SHANK2: variants seen among roughly 807,000 people sequenced by gnomAD.
The protein encoded by SHANK2 is SH3 and multiple ankyrin repeat domains protein 2.
In SHANK2, 43 loss-of-function variants were observed where a neutral mutation model predicts 133.7. The observed-to-expected ratio is 0.32, with a 90% CI of 0.25 to 0.41. The LOEUF (loss-of-function observed/expected upper bound fraction) is 0.41. Ranked by LOEUF, SHANK2 falls within the 10% of genes least tolerant of loss-of-function variation. SHANK2 has a pLI of 1.00. For synonymous variants in SHANK2, 1,017 were observed against 952.8 expected (o/e 1.07, Z -1.24); for missense variants, 1,994 against 2,235.8 (o/e 0.89, Z 2.18).
At chr11:70,537,955 A>G (rs939979680) in intron 17 of SHANK2, among the ~76,000 whole-genome samples, 2 of 152,180 alleles carry the variant, frequency 1.3e-5, no homozygotes, top group African/African-American at 2.4e-5. Context: ...AGCTGGATTT[A>G]CATTGAGAGG....
chr11:71,181,441 C>A (rs2135546599), intron 2 of SHANK2, among the ~76,000 whole-genome samples: 1 of 152,018 alleles, frequency 6.6e-6, no homozygotes, highest in East Asian at 1.9e-4. Flanking sequence ...AGTTCAGGGC[C>A]AATTTGGGCA....
intron 15 of SHANK2, among the ~76,000 whole-genome samples, chr11:70,695,125 G>C (rs1225777782): frequency 1.3e-5 from 2 of 152,182 alleles, no homozygotes; most frequent in Non-Finnish European, 2.9e-5. Flanking sequence ...CATAGAGACA[G>C]AAAGTAGACA....
At chr11:70,650,421 A>G (rs1254766490) in intron 17 of SHANK2, among the ~76,000 whole-genome samples, 3 of 152,150 alleles carry the variant, frequency 2.0e-5, no homozygotes, top group Non-Finnish European at 4.4e-5. Context: ...GCTGCATCCA[A>G]TCCTCCCAGC....
intron 15 of SHANK2, among the ~76,000 whole-genome samples, chr11:70,677,011 C>A (rs1187970393): frequency 6.6e-6 from 1 of 152,196 alleles, no homozygotes. Flanking sequence ...TGGCTAATCC[C>A]ACGTATACAG....
chr11:70,877,984 T>C lies in SHANK2; in HGVS notation c.1174+18517A>G, dbSNP rs545756950. On this transcript the variant is annotated intron_variant, in intron 11 of 25. Coordinates refer to ENST00000601538, the MANE Select transcript of SHANK2 (RefSeq NM_012309.5). ...AAAAGAGAAGACGTTAACACCTGCC[T>C]TTGTGCAGCGTGAGTCCGGCGAAGA... 3.3e-5 allele frequency among the ~76,000 whole-genome samples: 5 copies of C among 152,294 alleles called. No homozygotes were observed. The East Asian group carries it at 7.7e-4, about 24-fold the overall frequency.
At chr11:71,187,231 A>C (rs1281749092) in intron 2 of SHANK2, among the ~76,000 whole-genome samples, 1 of 152,254 alleles carries the variant, frequency 6.6e-6, no homozygotes, top group African/African-American at 2.4e-5. Context: ...TGGCACACTC[A>C]GGAAAATTTG....
rs531197415 is a variant in SHANK2 at position 71,167,317 on chromosome 11, G to A, written c.-12-19979C>T. 7.6e-3 allele frequency among the ~76,000 whole-genome samples: 1,158 copies of A among 152,192 alleles called. 6 individuals carry two copies. The highest frequency in any genetic ancestry group is 0.011 in the Non-Finnish European group (733 of 67,994). On this transcript the variant is annotated intron_variant, in intron 2 of 25. Transcript: ENST00000601538. ...GAGCTGTTGGGTACACCTCCCAGACGGGGTGGTGGCCGGGCAGAGGGGCTC... is the reference window on the plus strand; with the variant it reads ...GAGCTGTTGGGTACACCTCCCAGACAGGGTGGTGGCCGGGCAGAGGGGCTC...
rs183857575 is a variant in SHANK2 at position 71,191,487 on chromosome 11, G to A, written c.-13+33210C>T. 1.3e-3 allele frequency among the ~76,000 whole-genome samples: 201 copies of A among 151,912 alleles called. 2 individuals carry two copies. Among genetic ancestry groups the A allele is most frequent in the Middle Eastern group, 3.4e-3 (1 of 292 alleles). ...TGTCCTCACAGGGTCATCCCTCCAC[G>A]CATCCCTCATAGGGTCATCCCTCCA... On this transcript the variant is annotated intron_variant, in intron 2 of 25. Coordinates refer to ENST00000601538, the MANE Select transcript of SHANK2 (RefSeq NM_012309.5).
At chr11:70,610,165 C>T (rs2060640280) in intron 17 of SHANK2, among the ~76,000 whole-genome samples, 1 of 151,820 alleles carries the variant, frequency 6.6e-6, no homozygotes. Flanking sequence ...ATTATTCCCC[C>T]TTTAAATGGT....
chr11:70,695,660 C>T (rs528105864), intron 15 of SHANK2, among the ~76,000 whole-genome samples: 2 of 152,336 alleles, frequency 1.3e-5, no homozygotes, highest in Admixed American at 1.3e-4. Context: ...CTCAGATGCT[C>T]ATTAACTTGG....
At chr11:70,909,034 C>T (rs575641611) in intron 10 of SHANK2, among the ~76,000 whole-genome samples, 4 of 152,242 alleles carry the variant, frequency 2.6e-5, no homozygotes, top group Non-Finnish European at 4.4e-5. Flanking sequence ...AAAACATCAG[C>T]GTGTAAGTTT....
At chr11:70,738,272 C>G (rs1591800931) in intron 14 of SHANK2, among the ~76,000 whole-genome samples, 1 of 152,376 alleles carries the variant, frequency 6.6e-6, no homozygotes, top group African/African-American at 2.4e-5. Flanking sequence ...GAAACCGCGT[C>G]TGGCCTGGCA....
intron 17 of SHANK2, among the ~76,000 whole-genome samples, chr11:70,593,643 T>C (rs996335452): frequency 2.0e-5 from 3 of 152,208 alleles, no homozygotes; most frequent in Admixed American, 6.5e-5. Flanking sequence ...GTTGAGTGAA[T>C]GAACGGAGTG....
At chr11:71,227,276 A>C (rs1954657253) in intron 1 of SHANK2, among the ~76,000 whole-genome samples, 1 of 152,190 alleles carries the variant, frequency 6.6e-6, no homozygotes, top group Non-Finnish European at 1.5e-5. Flanking sequence ...GTTAAAAGAC[A>C]GAGATTGGCA....
At chr11:71,149,766 GTA>G (rs1952729238) in intron 2 of SHANK2, among the ~76,000 whole-genome samples, 20 of 130,048 alleles carry the variant, frequency 1.5e-4, no homozygotes, top group Middle Eastern at 4.0e-3. Context: ...AGGGAAGGAG[GTA>G]GATGGATGGA....
Position 71,167,970 on chromosome 11 carries a change from A to G in SHANK2, c.-12-20632T>C, listed in dbSNP as rs1304935921. Reference sequence around the variant, plus strand: ...GGACGAGGTGGCTGCCGGGCAGAGAAGCTCCTCACTTCCCAGACGGGGTGG... The same window carrying G: ...GGACGAGGTGGCTGCCGGGCAGAGAGGCTCCTCACTTCCCAGACGGGGTGG... On this transcript the variant is annotated intron_variant, in intron 2 of 25. Transcript: ENST00000601538. 1.8e-3 allele frequency among the ~76,000 whole-genome samples: 120 copies of G among 66,294 alleles called. 2 individuals are homozygous for G. The highest frequency in any genetic ancestry group is 3.2e-3 in the Non-Finnish European group (102 of 31,568). The allele number at this position is 66,294 out of a possible 152,430, so 43.5% of individuals were successfully genotyped here. A position where few individuals can be genotyped will look rare whatever the true frequency, so the allele number is the denominator to read the frequency against.
At chr11:71,073,142 C>CTTTTTTTTT (rs1951165821) in intron 9 of SHANK2, among the ~76,000 whole-genome samples, 2 of 41,090 alleles carry the variant, frequency 4.9e-5, no homozygotes, top group African/African-American at 9.1e-5. Context: ...TTTTCTTTTT[C>CTTTTTTTTT]TTTTCTTTTT....
intron 14 of SHANK2, among the ~76,000 whole-genome samples, chr11:70,754,598 G>C (rs1249132831): frequency 6.6e-6 from 1 of 152,210 alleles, no homozygotes; most frequent in African/African-American, 2.4e-5. Flanking sequence ...AGCCCAGCCT[G>C]GAACTTGTGG....
intron 14 of SHANK2, among the ~76,000 whole-genome samples, chr11:70,792,506 G>A (rs1240512667): frequency 1.3e-5 from 2 of 152,196 alleles, no homozygotes; most frequent in Admixed American, 1.3e-4. Flanking sequence ...CTGTCATGAG[G>A]CTATGAGAAT....
Sources: gnomAD v4.1 joint callset for allele counts (sites outside exome capture counted in the v4.1 genomes callset) on GRCh38, gnomAD v4.1.1 for gene constraint, MANE v1.5 for transcripts, NCBI Gene and HGNC (gene_info 2026-07-23, HGNC 2026-07-21) for gene names.